PCLO: variants seen among roughly 807,000 people sequenced by gnomAD.
PCLO encodes the protein protein piccolo.
PCLO carries 82 observed loss-of-function variants against 427.5 expected under a neutral mutation model. The ratio of observed to expected loss-of-function variants is 0.19; its 90% CI spans 0.16 to 0.23. PCLO has a LOEUF of 0.23. PCLO is among the 10% of genes least tolerant of loss of function. The pLI is 1.00. For missense variants in PCLO, 6,239 were observed against 6,115.9 expected, an observed-to-expected ratio of 1.02 and a Z score of -0.67; for synonymous variants, 2,357 against 2,155.4, an observed-to-expected ratio of 1.09 and a Z score of -2.59.
intron 10 of PCLO, among the ~76,000 whole-genome samples, chr7:82,875,089 T>C (rs1793337815): frequency 6.6e-6 from 1 of 152,192 alleles, no homozygotes; most frequent in Non-Finnish European, 1.5e-5. Context: ...GATTATTCTC[T>C]GTCCAGTATT....
intron 6 of PCLO, among the ~76,000 whole-genome samples, chr7:82,943,083 G>T (rs1225255387): frequency 6.6e-6 from 1 of 151,972 alleles, no homozygotes; most frequent in East Asian, 1.9e-4. Context: ...CTCAATTTAG[G>T]TTATGGAAAT....
intron 3 of PCLO, among the ~76,000 whole-genome samples, chr7:83,104,570 G>A (rs184654169): frequency 1.8e-3 from 269 of 152,098 alleles, no homozygotes; most frequent in African/African-American, 6.2e-3. Context: ...CCTGGCTATA[G>A]TAGCTACCTA....
At chr7:82,904,283 T>G (rs1452521250) in intron 8 of PCLO, among the ~76,000 whole-genome samples, 1 of 151,818 alleles carries the variant, frequency 6.6e-6, no homozygotes, top group African/African-American at 2.4e-5. Context: ...TCTCTATCTC[T>G]TTTGTCTGTC....
chr7:82,932,423 A>G (rs1047486955), intron 6 of PCLO, among the ~76,000 whole-genome samples: 12 of 152,260 alleles, frequency 7.9e-5, no homozygotes, highest in African/African-American at 2.9e-4. Flanking sequence ...AGAACTTTCA[A>G]TGGAATCGAA....
intron 20 of PCLO, among the ~76,000 whole-genome samples, chr7:82,806,695 C>T (rs998451313): frequency 2.6e-5 from 4 of 152,122 alleles, no homozygotes; most frequent in Non-Finnish European, 5.9e-5. Flanking sequence ...TCGGTCACAC[C>T]GATCTGGTTT....
At chr7:83,147,101 A>T (rs952191644) in intron 2 of PCLO, among the ~76,000 whole-genome samples, 3 of 151,858 alleles carry the variant, frequency 2.0e-5, no homozygotes, top group African/African-American at 7.2e-5. Context: ...CCAATGATTA[A>T]ACTTATGTAT....
At position 82,758,675 on chromosome 7, in the gene PCLO, G is replaced by A. The variant is rs1455148828; in HGVS notation, c.15329C>T (p.Thr5110Ile). 6.2e-7 allele frequency: 1 copy of A among 1,607,218 alleles called. No homozygotes were observed. The highest frequency in any genetic ancestry group is 8.5e-7 in the Non-Finnish European group (1 of 1,175,086). ...CCAGATACAGGCTTCACCAATCAAG[G>A]TCTTTTTCATAAACTTCCCTCCATT... ...FSNGGKFMKK[T>I]LIGEACIWLD... is the part of the protein sequence containing the mutation. Residue 5110 changes from threonine (T) to isoleucine (I), a missense_variant, in exon 25 of 25, where the codon ACC becomes ATC. This residue lies in a region of PCLO where 877 missense variants were observed against 925.5 expected (regional missense o/e 0.95). Transcript: ENST00000333891.
Position 82,755,769 on chromosome 7 carries a change from AAC to A in PCLO, c.*2804_*2805del, listed in dbSNP as rs140439520. ...AGAGCCCTATTTGCAATAAAAAAGA[AAC>A]AGTTTTGTTGTAAGAAGGGTAGTCA... On this transcript the variant is annotated 3_prime_UTR_variant, in exon 25 of 25. Coordinates refer to ENST00000333891, the MANE Select transcript of PCLO (RefSeq NM_033026.6). 1.7e-3 allele frequency: 259 copies of A among 152,304 alleles called. No individual in the cohort carries two copies. The highest frequency in any genetic ancestry group is 5.7e-3 in the African/African-American group (239 of 41,570). The allele number at this position is 152,304 out of a possible 1,614,324, so 9.4% of individuals were successfully genotyped here.
At chr7:82,991,702 T>C (rs550458361) in intron 3 of PCLO, among the ~76,000 whole-genome samples, 3 of 152,268 alleles carry the variant, frequency 2.0e-5, no homozygotes, top group African/African-American at 7.2e-5. Flanking sequence ...AAGGAGATAC[T>C]GCTCATTTTG....
intron 3 of PCLO, among the ~76,000 whole-genome samples, chr7:83,050,387 TA>T (rs1789220972): frequency 6.6e-6 from 1 of 151,614 alleles, no homozygotes; most frequent in South Asian, 2.1e-4. Context: ...GTAATACTAT[TA>T]ATCTATATAC....
chr7:82,884,092 C>T (rs1793574516), intron 9 of PCLO, among the ~76,000 whole-genome samples: 3 of 152,092 alleles, frequency 2.0e-5, no homozygotes, highest in African/African-American at 7.2e-5. Context: ...AAATATATAT[C>T]CTTTATGTAC....
intron 3 of PCLO, among the ~76,000 whole-genome samples, chr7:83,131,622 T>G (rs181763266): frequency 6.6e-6 from 1 of 152,274 alleles, no homozygotes; most frequent in African/African-American, 2.4e-5. Context: ...AATTATTGAA[T>G]CTTTTCTTGA....
chr7:83,048,021 CA>C (rs1169053981), intron 3 of PCLO, among the ~76,000 whole-genome samples: 1 of 152,018 alleles, frequency 6.6e-6, no homozygotes, highest in Non-Finnish European at 1.5e-5. Flanking sequence ...AATGGAGTTT[CA>C]ATGAACTTTT....
At chr7:82,927,647 T>C (rs1395913336) in intron 6 of PCLO, among the ~76,000 whole-genome samples, 1 of 152,198 alleles carries the variant, frequency 6.6e-6, no homozygotes, top group East Asian at 1.9e-4. Flanking sequence ...GTTTATTCTT[T>C]CTTCTCATCA....
intron 1 of PCLO, among the ~76,000 whole-genome samples, chr7:83,161,559 T>A (rs776009100): frequency 1.3e-5 from 2 of 152,244 alleles, no homozygotes; most frequent in Non-Finnish European, 2.9e-5. Flanking sequence ...TTAGCTCTTA[T>A]ACTTGCCTAT....
chr7:83,024,145 C>A (rs1039704392), intron 3 of PCLO, among the ~76,000 whole-genome samples: 5 of 152,302 alleles, frequency 3.3e-5, no homozygotes, highest in African/African-American at 7.2e-5. Context: ...CAGCTCCCAG[C>A]GTGAGCGACG....
At chr7:82,795,369 A>C (rs1791203161) in intron 22 of PCLO, among the ~76,000 whole-genome samples, 1 of 152,158 alleles carries the variant, frequency 6.6e-6, no homozygotes, top group African/African-American at 2.4e-5. Context: ...TATCTGATAA[A>C]ACAAGATTTT....
chr7:83,015,852 T>C (rs888646313), intron 3 of PCLO, among the ~76,000 whole-genome samples: 1 of 152,182 alleles, frequency 6.6e-6, no homozygotes, highest in African/African-American at 2.4e-5. Context: ...TGTTATCTTT[T>C]AATTCTATCC....
At chr7:82,924,287 A>G (rs1194652697) in intron 6 of PCLO, among the ~76,000 whole-genome samples, 1 of 152,094 alleles carries the variant, frequency 6.6e-6, no homozygotes, top group Non-Finnish European at 1.5e-5. Flanking sequence ...AATGTACCTG[A>G]TTATCTTGCC....
Sources: allele counts gnomAD v4.1 joint callset (sites outside exome capture counted in the v4.1 genomes callset), GRCh38; gene constraint gnomAD v4.1.1; regional missense constraint gnomAD v4.1.1; transcripts MANE v1.5; gene names NCBI Gene and HGNC (gene_info 2026-07-23, HGNC 2026-07-21).